Variants in SMOC1 observed in about 807,000 individuals in gnomAD.
SMOC1 encodes the protein SPARC related modular calcium binding 1.
A neutral mutation model predicts 56.3 loss-of-function variants in SMOC1; 22 were observed. The observed-to-expected ratio is 0.39, with a 90% CI of 0.28 to 0.56. The LOEUF is 0.56. SMOC1 is among the 20% of genes least tolerant of loss of function. The pLI is 0.61. For missense variants in SMOC1, 509 were observed against 565.4 expected (o/e 0.90, Z 1.01); for synonymous variants, 193 against 215.0 (o/e 0.90, Z 0.89).
intron 1 of SMOC1, among the ~76,000 whole-genome samples, chr14:69,949,020 A>C (rs938877065): frequency 2.0e-5 from 3 of 152,172 alleles, no homozygotes; most frequent in African/African-American, 7.2e-5. Flanking sequence ...AAAGTCAAAA[A>C]CTGTTGACCA....
At chr14:69,887,380 TGGTTGGTGTG>T (rs1883838272) in intron 1 of SMOC1, among the ~76,000 whole-genome samples, 1 of 151,988 alleles carries the variant, frequency 6.6e-6, no homozygotes, top group South Asian at 2.1e-4. Context: ...TAAAACCATA[TGGTTGGTGTG>T]GGTTGGTGTT....
intron 5 of SMOC1, among the ~76,000 whole-genome samples, chr14:69,985,487 G>A (rs1381937026): frequency 1.6e-4 from 25 of 151,932 alleles, no homozygotes; most frequent in Admixed American, 1.6e-3. Context: ...GCTGAAAGTA[G>A]AAAAAAAACC....
chr14:69,972,661 T>A (rs1883807498), intron 3 of SMOC1, among the ~76,000 whole-genome samples: 1 of 152,110 alleles, frequency 6.6e-6, no homozygotes. Flanking sequence ...GAGACAGTGT[T>A]CATGTGCCCA....
chr14:69,888,503 T>C (rs1883871956), intron 1 of SMOC1, among the ~76,000 whole-genome samples: 1 of 152,218 alleles, frequency 6.6e-6, no homozygotes, highest in Admixed American at 6.5e-5. Flanking sequence ...AGTAGAGCCT[T>C]TCCCACCACC....
chr14:69,967,413 G>A (rs1265037475), intron 3 of SMOC1, among the ~76,000 whole-genome samples: 3 of 152,214 alleles, frequency 2.0e-5, no homozygotes, highest in African/African-American at 4.8e-5. Context: ...GCCCAGGATC[G>A]CTTTGAATGA....
At chr14:69,996,209 C>T (rs1043962687) in intron 7 of SMOC1, among the ~76,000 whole-genome samples, 2 of 152,160 alleles carry the variant, frequency 1.3e-5, no homozygotes, top group Admixed American at 6.5e-5. Flanking sequence ...GAGAAAAGAT[C>T]ATCATCATCA....
chr14:70,027,280 A>T (rs769374398), intron 11 of SMOC1, among the ~76,000 whole-genome samples: 13 of 152,192 alleles, frequency 8.5e-5, no homozygotes, highest in African/African-American at 2.9e-4. Context: ...CCTGGGCCAG[A>T]CTGCTGTCCC....
chr14:69,897,302 A>T (rs1216421790), intron 1 of SMOC1, among the ~76,000 whole-genome samples: 1 of 152,160 alleles, frequency 6.6e-6, no homozygotes, highest in Non-Finnish European at 1.5e-5. Context: ...TCCTGGAGGG[A>T]TATTTCCAGA....
rs566721512 is a variant in SMOC1 at position 69,885,966 on chromosome 14, G to A, written c.99+6189G>A. On this transcript the variant is annotated intron_variant, in intron 1 of 11. Transcript: ENST00000361956. ...CTCTGCCGCTGCAACCTGATATAGC[G>A]GGGCCATTTCACAAAGCGGGTGAGG... 6.1e-5 allele frequency: 97 copies of A among 1,587,956 alleles called. No homozygotes were observed. In the East Asian group the frequency reaches 1.9e-3, roughly 31 times the overall value.
At chr14:70,029,986 C>T (rs1438877574) in intron 11 of SMOC1, among the ~76,000 whole-genome samples, 1 of 152,164 alleles carries the variant, frequency 6.6e-6, no homozygotes, top group South Asian at 2.1e-4. Context: ...TCGTTCTCTC[C>T]AATGCCAGAC....
intron 1 of SMOC1, among the ~76,000 whole-genome samples, chr14:69,929,664 C>A (rs955855209): frequency 6.6e-6 from 1 of 152,104 alleles, no homozygotes; most frequent in African/African-American, 2.4e-5. Flanking sequence ...ATCTTGGAGG[C>A]TTCTTTGGGA....
intron 1 of SMOC1, among the ~76,000 whole-genome samples, chr14:69,944,891 A>G (rs1207303356): frequency 6.6e-6 from 1 of 152,138 alleles, no homozygotes; most frequent in African/African-American, 2.4e-5. Context: ...GATTTTTTTC[A>G]TTTCCATTAT....
At chr14:69,968,460 T>C (rs1450105161) in intron 3 of SMOC1, among the ~76,000 whole-genome samples, 1 of 152,128 alleles carries the variant, frequency 6.6e-6, no homozygotes, top group Non-Finnish European at 1.5e-5. Context: ...TCTCAGGTGA[T>C]CAGTCTTCCA....
chr14:69,966,873 A>G (rs906607866), intron 3 of SMOC1, among the ~76,000 whole-genome samples: 12 of 152,166 alleles, frequency 7.9e-5, no homozygotes, highest in Non-Finnish European at 8.8e-5. Context: ...TCAGCCAACA[A>G]TTTATTTCCC....
intron 7 of SMOC1, among the ~76,000 whole-genome samples, chr14:70,000,129 G>A (rs1451562098): frequency 1.3e-5 from 2 of 152,096 alleles, no homozygotes; most frequent in African/African-American, 2.4e-5. Flanking sequence ...GAGCATCCTT[G>A]TTCTGTGTTT....
intron 1 of SMOC1, among the ~76,000 whole-genome samples, chr14:69,892,868 A>G (rs552234040): frequency 2.0e-5 from 3 of 152,214 alleles, no homozygotes; most frequent in Non-Finnish European, 4.4e-5. Flanking sequence ...CAAATAATCA[A>G]CATTCAAATT....
chr14:69,960,352 C>T (rs931098935), intron 3 of SMOC1, among the ~76,000 whole-genome samples: 2 of 152,148 alleles, frequency 1.3e-5, no homozygotes, highest in African/African-American at 4.8e-5. Flanking sequence ...GGAATGTTTC[C>T]AAGCTTCTTC....
chr14:70,013,249 A>T, intron 9 of SMOC1, 137 bp from the exon 10 acceptor site: 1 of 763,248 alleles, frequency 1.3e-6, no homozygotes, highest in Non-Finnish European at 2.3e-6. Context: ...GACTCATCTG[A>T]TCAGTAAACA....
At chr14:69,892,294 A>G (rs1227782614) in intron 1 of SMOC1, among the ~76,000 whole-genome samples, 3 of 152,220 alleles carry the variant, frequency 2.0e-5, no homozygotes, top group Non-Finnish European at 4.4e-5. Flanking sequence ...TTTCTCTAGT[A>G]TGTTCTGAAT....
Sources: gnomAD v4.1 joint callset for allele counts (sites outside exome capture counted in the v4.1 genomes callset) on GRCh38, gnomAD v4.1.1 for gene constraint, MANE v1.5 for transcripts, NCBI Gene and HGNC (gene_info 2026-07-23, HGNC 2026-07-21) for gene names.